ZIM2: variants seen among roughly 807,000 people sequenced by gnomAD.
ZIM2 encodes the protein zinc finger protein 656.
A neutral mutation model predicts 38.6 loss-of-function variants in ZIM2; 14 were observed. The ratio of observed to expected loss-of-function variants is 0.36; its 90% CI spans 0.24 to 0.57. ZIM2 has a LOEUF of 0.57. ZIM2 is among the 20% of genes least tolerant of loss of function. The probability of loss-of-function intolerance (pLI) is 0.81; values close to 1 mark genes in which losing one functional copy is unlikely to be tolerated. For synonymous variants in ZIM2, 247 were observed against 245.8 expected, an observed-to-expected ratio of 1.00 and a Z score of -0.04; for missense variants, 680 against 695.1, an observed-to-expected ratio of 0.98 and a Z score of 0.24.
chr19:56,839,960 G>A (rs956987174), intron 1 of ZIM2, among the ~76,000 whole-genome samples: 1 of 152,252 alleles, frequency 6.6e-6, no homozygotes, highest in Non-Finnish European at 1.5e-5. Flanking sequence ...CGCCCGAGAG[G>A]GCGGGGAAAG....
intron 2 of ZIM2, chr19:56,833,360 A>C: frequency 2.8e-6 from 1 of 363,410 alleles, no homozygotes; most frequent in Non-Finnish European, 5.4e-6. Context: ...TTCGTCTCCC[A>C]GGGACAGCGT....
chr19:56,817,919 C>T (rs754936835), intron 8 of ZIM2, 81 bp from the exon 9 acceptor site: 149 of 1,096,814 alleles, frequency 1.4e-4, no homozygotes, highest in Non-Finnish European at 2.0e-4. Context: ...TCATCTTTCA[C>T]TGAGCCACTA....
chr19:56,801,059 C>T (rs866295766), intron 9 of ZIM2, among the ~76,000 whole-genome samples: 4 of 151,556 alleles, frequency 2.6e-5, no homozygotes, highest in African/African-American at 7.3e-5. Context: ...CTCAGCCTCC[C>T]GAGTAGCTGG....
chr19:56,784,304 A>G (rs964439497), intron 10 of ZIM2, among the ~76,000 whole-genome samples: 2 of 152,172 alleles, frequency 1.3e-5, no homozygotes, highest in Non-Finnish European at 2.9e-5. Flanking sequence ...CTTGTGCTTT[A>G]TTTTACTTAA....
intron 11 of ZIM2, among the ~76,000 whole-genome samples, chr19:56,781,396 G>C (rs1037438413): frequency 3.5e-4 from 53 of 152,208 alleles, no homozygotes; most frequent in African/African-American, 9.6e-4. Context: ...CACGTAAAGA[G>C]AGATTGGCAA....
In ZIM2 at chr19:56,830,791, C is replaced by T. The variant is rs151067444; in HGVS notation, c.-226-4328G>A. On this transcript the variant is annotated intron_variant, in intron 2 of 12. Transcript: ENST00000629319. The stretch of plus-strand genomic sequence containing the variant: ...TTACAGAAGGAACACAAAAATTAGC[C>T]GGGTGTGGTGGCATGAGCCTGTAAT... Among the ~76,000 whole-genome samples the T allele has an allele frequency of 7.1e-3, 1,081 of 151,956 alleles. 10 individuals carry two copies. Among genetic ancestry groups the T allele is most frequent in the African/African-American group, 0.025 (1,018 of 41,428 alleles).
intron 9 of ZIM2, chr19:56,813,422 G>A: frequency 7.7e-7 from 1 of 1,294,974 alleles, no homozygotes; most frequent in Non-Finnish European, 9.8e-7. Flanking sequence ...TTCTCAATCT[G>A]ATTACTTGGA....
intron 9 of ZIM2, chr19:56,813,137 T>C (rs1220934758): frequency 1.0e-6 from 1 of 982,564 alleles, no homozygotes; most frequent in Non-Finnish European, 1.2e-6. Context: ...TAATGCACAA[T>C]AAATCTTTCT....
rs758869736 is a variant in ZIM2 at position 56,817,780 on chromosome 19, T to C, written c.456A>G (p.Arg152=). 1.2e-6 allele frequency: 2 copies of C among 1,614,016 alleles called. No individual in the cohort carries two copies. Among genetic ancestry groups the C allele is most frequent in the African/African-American group, 1.3e-5 (1 of 74,910 alleles). ...TGCTTGGGTAGGCACTTCTCTTGGA[T>C]CTTGATGAGTGGCCCTGCGTCATGT... ...HSHMTQGHSS[R]SKRSAYPSTS... The change falls in exon 9 of 13, where the codon AGA becomes AGG. Residue 152 remains arginine, a synonymous_variant. Coordinates refer to ENST00000629319, the MANE Select transcript of ZIM2 (RefSeq NM_001387356.1).
chr19:56,835,578 G>A (rs2062010489), intron 2 of ZIM2, among the ~76,000 whole-genome samples: 1 of 152,162 alleles, frequency 6.6e-6, no homozygotes, highest in African/African-American at 2.4e-5. Flanking sequence ...ATGTTCTCTT[G>A]CAAAAGTATA....
intron 9 of ZIM2, chr19:56,810,956 G>T: frequency 1.0e-6 from 1 of 969,846 alleles, no homozygotes; most frequent in African/African-American, 1.8e-5. Context: ...TAAAGTGAAA[G>T]TATTTAACCA....
intron 10 of ZIM2, among the ~76,000 whole-genome samples, chr19:56,785,998 G>T (rs2046578943): frequency 6.6e-6 from 1 of 151,976 alleles, no homozygotes; most frequent in Non-Finnish European, 1.5e-5. Flanking sequence ...CGCCCCAAAA[G>T]AAACCCTGCA....
intron 9 of ZIM2, chr19:56,811,642 T>C (rs2059549514): frequency 1.0e-6 from 1 of 984,290 alleles, no homozygotes; most frequent in Admixed American, 6.2e-5. Flanking sequence ...CCCACAAAGT[T>C]CACCCCGACA....
chr19:56,800,934 CTTT>C (rs776316373), intron 9 of ZIM2, among the ~76,000 whole-genome samples: 6 of 135,968 alleles, frequency 4.4e-5, no homozygotes, highest in Admixed American at 1.5e-4. Flanking sequence ...GATGGTATTA[CTTT>C]TTTTTTTTTT....
chr19:56,779,164 G>A (rs111571445), intron 12 of ZIM2, among the ~76,000 whole-genome samples: 1,825 of 152,206 alleles, frequency 0.012, 35 homozygotes, highest in African/African-American at 0.041. Context: ...GCTGGAACAC[G>A]AGGGTGAAAG....
rs985275607 is a variant in ZIM2 at position 56,840,607 on chromosome 19, G to T, written c.-339C>A. 1 of 152,496 alleles carries T rather than the reference G, an allele frequency of 6.6e-6. No homozygotes were observed. The highest frequency in any genetic ancestry group is 1.5e-5 in the Non-Finnish European group (1 of 68,252). 9.4% of individuals were successfully genotyped at this position (152,496 alleles called of 1,614,324 possible). Reference sequence around the variant, plus strand: ...CTCACCTCAGTGCTGCGCAGCCTCGGGCACGAACAGCCGCCTAGCGCACCC... The same window carrying T: ...CTCACCTCAGTGCTGCGCAGCCTCGTGCACGAACAGCCGCCTAGCGCACCC... On this transcript the variant is annotated 5_prime_UTR_variant, in exon 1 of 13. Coordinates refer to ENST00000629319, the MANE Select transcript of ZIM2 (RefSeq NM_001387356.1).
chr19:56,838,473 C>A (rs1249131995), intron 1 of ZIM2, among the ~76,000 whole-genome samples: 2 of 152,168 alleles, frequency 1.3e-5, no homozygotes, highest in African/African-American at 4.8e-5. Flanking sequence ...CCCTTAGCCC[C>A]GCCAGCAGGG....
At chr19:56,833,429 C>G (rs536042582) in intron 2 of ZIM2, 2 of 335,064 alleles carry the variant, frequency 6.0e-6, no homozygotes, top group African/African-American at 4.3e-5. Context: ...CTCTGCAGAC[C>G]GACATTCTCT....
At chr19:56,780,722 A>C (rs2046292200) in intron 11 of ZIM2, among the ~76,000 whole-genome samples, 1 of 152,184 alleles carries the variant, frequency 6.6e-6, no homozygotes, top group Non-Finnish European at 1.5e-5. Context: ...GTCTGCTCTC[A>C]CTTTACTAAA....
Sources: allele counts gnomAD v4.1 joint callset (sites outside exome capture counted in the v4.1 genomes callset), GRCh38; gene constraint gnomAD v4.1.1; transcripts MANE v1.5; gene names NCBI Gene and HGNC (gene_info 2026-07-23, HGNC 2026-07-21).